ATP5MG: variants seen among roughly 807,000 people sequenced by gnomAD.
The protein encoded by ATP5MG is ATP synthase membrane subunit g.
In ATP5MG, 7 loss-of-function variants were observed where a neutral mutation model predicts 12.7. The ratio of observed to expected loss-of-function variants is 0.55; its 90% CI spans 0.31 to 1.04. The LOEUF (loss-of-function observed/expected upper bound fraction) is 1.04. ATP5MG is among the 50% of genes least tolerant of loss of function. ATP5MG has a pLI of 0.05. For missense variants in ATP5MG, 116 were observed against 126.7 expected, an observed-to-expected ratio of 0.92 and a Z score of 0.41; for synonymous variants, 53 against 48.2, an observed-to-expected ratio of 1.10 and a Z score of -0.41.
Position 118,402,699 on chromosome 11 carries a change from T to TC in ATP5MG, c.52+982_52+983insC, listed in dbSNP as rs1948939085. Among the ~76,000 whole-genome samples the TC allele has an allele frequency of 2.7e-5, 4 of 148,960 alleles. No individual in the cohort carries two copies. The South Asian group carries it at 6.4e-4, about 24-fold the overall frequency. ...GGTATTTTCTTTTTCTTTCTTTCTT[T>TC]TTTTTTTTTTTTTTTCCTAGAAGAC... On this transcript the variant is annotated intron_variant, in intron 1 of 2. Transcript: ENST00000300688.
rs1555132695 is a variant in ATP5MG, at chr11:118,409,289, G to A, written c.*191G>A. 6.3e-6 allele frequency: 2 copies of A among 318,316 alleles called. No homozygotes were observed. The highest frequency in any genetic ancestry group is 1.2e-5 in the Non-Finnish European group (2 of 173,448). 19.7% of individuals were successfully genotyped at this position (318,316 alleles called of 1,614,324 possible). ...TGTCTTTAAACAACCCTAAATACAC[G>A]TCTGTTTAGCCCGCAATTGGAAAGG... On this transcript the variant is annotated 3_prime_UTR_variant, in exon 3 of 3. Transcript: ENST00000300688.
At chr11:118,408,912 T>G (rs1018272421) in intron 2 of ATP5MG, 88 bp from the exon 3 acceptor site, 1 of 397,250 alleles carries the variant, frequency 2.5e-6, no homozygotes, top group Non-Finnish European at 3.8e-6. Context: ...TCCTTAATTC[T>G]GGAAAAGAAT....
chr11:118,407,307 T>A, intron 2 of ATP5MG: 1 of 749,090 alleles, frequency 1.3e-6, no homozygotes. Context: ...CTTAGTTTCC[T>A]AAGAGTCTTA....
Position 118,408,982 on chromosome 11 carries a change from G to C in ATP5MG, c.214-18G>C. 1 of 1,431,242 alleles carries C rather than the reference G, an allele frequency of 7.0e-7. No individual in the cohort carries two copies. The highest frequency in any genetic ancestry group is 2.5e-5 in the East Asian group (1 of 39,606). 88.7% of individuals were successfully genotyped at this position (1,431,242 alleles called of 1,614,324 possible). On this transcript the variant is annotated intron_variant, in intron 2 of 2. Coordinates refer to ENST00000300688, the MANE Select transcript of ATP5MG (RefSeq NM_006476.5). ...ATATATATAAAAGGTACCTTAAAAT[G>C]TATGCTTCTTTTTTCAGGAAGCTGT...
intron 2 of ATP5MG, among the ~76,000 whole-genome samples, chr11:118,408,130 C>G (rs1948988735): frequency 1.3e-5 from 2 of 151,516 alleles, no homozygotes; most frequent in Non-Finnish European, 2.9e-5. Flanking sequence ...CCACTGCACT[C>G]CAGCCTGGGT....
intron 1 of ATP5MG, among the ~76,000 whole-genome samples, chr11:118,402,820 C>T (rs1194184933): frequency 6.6e-6 from 1 of 151,826 alleles, no homozygotes; most frequent in Admixed American, 6.6e-5. Flanking sequence ...CCACCTCAGC[C>T]TCCTGAGTAG....
At chr11:118,408,272 G>A (rs1948989912) in intron 2 of ATP5MG, among the ~76,000 whole-genome samples, 2 of 152,172 alleles carry the variant, frequency 1.3e-5, no homozygotes. Context: ...CTACATCCTG[G>A]GAAGTGTGGT....
chr11:118,409,037 T>C lies in ATP5MG; in HGVS notation c.251T>C (p.Leu84Ser), dbSNP rs782682011. ...AATGGTTTGGTGGCCACTGAGGTGT[T>C]GATGTGGTTTTATGTCGGAGAGATT... Reference protein sequence around the residue: ...VLNGLVATEVLMWFYVGEIIG... With the variant: ...VLNGLVATEVSMWFYVGEIIG... The change falls in exon 3 of 3, where the codon TTG (leucine) becomes TCG (serine). Residue 84 changes from leucine to serine, a missense_variant. By Grantham distance (145) the Leu-to-Ser change is moderately radical. Coordinates refer to ENST00000300688, the MANE Select transcript of ATP5MG (RefSeq NM_006476.5). The C allele has an allele frequency of 5.6e-6, 9 of 1,607,308 alleles. No individual in the cohort carries two copies. Among genetic ancestry groups the C allele is most frequent in the Non-Finnish European group, 7.6e-6 (9 of 1,176,810 alleles).
intron 1 of ATP5MG, among the ~76,000 whole-genome samples, chr11:118,404,142 G>A (rs1196847091): frequency 6.6e-6 from 1 of 152,106 alleles, no homozygotes; most frequent in African/African-American, 2.4e-5. Context: ...AACATACATA[G>A]GCTAGTGTAT....
At chr11:118,405,847 A>G (rs1948967575) in intron 1 of ATP5MG, 1 of 301,766 alleles carries the variant, frequency 3.3e-6, no homozygotes, top group African/African-American at 2.3e-5. Context: ...ATGGGCTTTC[A>G]TGCTATTTTT....
At chr11:118,403,485 G>T (rs1415556616) in intron 1 of ATP5MG, among the ~76,000 whole-genome samples, 1 of 146,346 alleles carries the variant, frequency 6.8e-6, no homozygotes, top group Non-Finnish European at 1.5e-5. Context: ...GACGAAGCGA[G>T]GCTAGGTCTC....
chr11:118,405,968 T>G (rs782243782), intron 1 of ATP5MG, among the ~76,000 whole-genome samples: 25 of 152,158 alleles, frequency 1.6e-4, no homozygotes, highest in South Asian at 2.1e-4. Context: ...GTTCAAGCAA[T>G]TCTTGTGCCT....
At chr11:118,404,934 A>C (rs1175520571) in intron 1 of ATP5MG, among the ~76,000 whole-genome samples, 1 of 152,194 alleles carries the variant, frequency 6.6e-6, no homozygotes, top group African/African-American at 2.4e-5. Context: ...CAAATACTGT[A>C]TTATTGCTCA....
In ATP5MG at chr11:118,407,019, G is replaced by T; in HGVS notation, c.135G>T (p.Glu45Asp). The change falls in exon 2 of 3, where the codon GAG (glutamate) becomes GAT (aspartate). Residue 45 changes from glutamate to aspartate, a missense_variant. Coordinates refer to ENST00000300688, the MANE Select transcript of ATP5MG (RefSeq NM_006476.5). ...KVELVPPTPA[E>D]IPRAIQSLKK... ...AGCTGGTTCCTCCCACCCCTGCTGAGATCCCTAGAGCTATTCAGAGCCTGA... is the reference window on the plus strand; with the variant it reads ...AGCTGGTTCCTCCCACCCCTGCTGATATCCCTAGAGCTATTCAGAGCCTGA... The T allele has an allele frequency of 6.2e-7, 1 of 1,614,080 alleles. No individual in the cohort carries two copies. The highest frequency in any genetic ancestry group is 8.5e-7 in the Non-Finnish European group (1 of 1,180,002).
chr11:118,401,867 T>G, intron 1 of ATP5MG, 150 bp downstream of exon 1: 2 of 899,940 alleles, frequency 2.2e-6, no homozygotes, highest in Non-Finnish European at 3.3e-6. Context: ...GGAAGCAGGT[T>G]GGCGACTCTT....
At chr11:118,406,067 T>A (rs1948969394) in intron 1 of ATP5MG, 1 of 152,226 alleles carries the variant, frequency 6.6e-6, no homozygotes, top group Non-Finnish European at 1.5e-5. Flanking sequence ...TTCACCATGC[T>A]GGGCAGGCTG....
chr11:118,404,555 T>A (rs1565546054), intron 1 of ATP5MG, among the ~76,000 whole-genome samples: 1 of 152,196 alleles, frequency 6.6e-6, no homozygotes, highest in African/African-American at 2.4e-5. Flanking sequence ...TTGTCTGGTG[T>A]TTTTCTCATG....
At chr11:118,406,840 G>A (rs547801953) in intron 1 of ATP5MG, 97 bp from the exon 2 acceptor site, 8 of 1,494,998 alleles carry the variant, frequency 5.4e-6, no homozygotes, top group Non-Finnish European at 7.2e-6. Context: ...TGAAGGTGAT[G>A]CATGAATAAA....
At chr11:118,406,800 A>C in intron 1 of ATP5MG, 137 bp from the exon 2 acceptor site, 4 of 1,319,018 alleles carry the variant, frequency 3.0e-6, no homozygotes, top group Admixed American at 2.4e-5. Context: ...GACTTTTCAC[A>C]CCGGGTGCAC....
Sources: gnomAD v4.1 joint callset for allele counts (sites outside exome capture counted in the v4.1 genomes callset) on GRCh38, gnomAD v4.1.1 for gene constraint, MANE v1.5 for transcripts, NCBI Gene and HGNC (gene_info 2026-07-23, HGNC 2026-07-21) for gene names.